KCNT1: variants seen among roughly 807,000 people sequenced by gnomAD.
KCNT1 encodes the protein potassium channel subfamily T member 1.
Under a neutral mutation model 147.8 loss-of-function variants are expected in KCNT1, and 78 were observed. That is an observed-to-expected ratio of 0.53 (90% CI 0.44 to 0.64). The LOEUF is 0.64. KCNT1 is among the 30% of genes least tolerant of loss of function. KCNT1 has a pLI of 0.00. For synonymous variants in KCNT1, 867 were observed against 748.8 expected (o/e 1.16, Z -2.58); for missense variants, 1,419 against 1,750.3 (o/e 0.81, Z 3.38).
In KCNT1 at chr9:135,777,506, A is replaced by G; in HGVS notation, c.2518A>G (p.Asn840Asp). The G allele has an allele frequency of 6.2e-7, 1 of 1,613,220 alleles. No homozygotes were observed. Among genetic ancestry groups the G allele is most frequent in the Non-Finnish European group, 8.5e-7 (1 of 1,179,778 alleles). The change falls in exon 21 of 31, where the codon AAC becomes GAC. Residue 840 changes from asparagine (N) to aspartate (D), a missense_variant. Transcript: ENST00000371757. ...ELNPIVLLLD[N>D]KPDHHFLEAI... is the part of the protein sequence containing the mutation. ...GAACCCCATCGTGCTGCTGCTGGACAACAAGTGAGGCTCCTGGGGCTCAGC... is the reference window on the plus strand; with the variant it reads ...GAACCCCATCGTGCTGCTGCTGGACGACAAGTGAGGCTCCTGGGGCTCAGC...
chr9:135,702,193 G>T lies in KCNT1; in HGVS notation c.-66G>T. On this transcript the variant is annotated 5_prime_UTR_variant, in exon 1 of 31. Coordinates refer to ENST00000371757, the MANE Select transcript of KCNT1 (RefSeq NM_020822.3). The stretch of plus-strand genomic sequence containing the variant: ...AAAAAAAAATGTTTTTCAGGGCAAC[G>T]CGAGGGAAGAAGGTGGCGGCTCCCA... 1 of 1,204,554 alleles carries T rather than the reference G, an allele frequency of 8.3e-7. No homozygotes were observed. Among genetic ancestry groups the T allele is most frequent in the Non-Finnish European group, 1.2e-6 (1 of 828,508 alleles). The allele number at this position is 1,204,554 out of a possible 1,614,324, so 74.6% of individuals were successfully genotyped here.
intron 2 of KCNT1, among the ~76,000 whole-genome samples, chr9:135,740,951 G>A (rs983620162): frequency 6.9e-6 from 1 of 145,952 alleles, no homozygotes. Context: ...CAGGGTTTGT[G>A]CAGCCGACAG....
intron 2 of KCNT1, among the ~76,000 whole-genome samples, chr9:135,726,183 G>T (rs954259072): frequency 2.2e-4 from 34 of 152,132 alleles, no homozygotes; most frequent in Non-Finnish European, 3.8e-4. Flanking sequence ...TGTCTGGGCT[G>T]GGGGCTGGGC....
intron 4 of KCNT1, among the ~76,000 whole-genome samples, chr9:135,753,050 A>G (rs1211064772): frequency 6.7e-6 from 1 of 148,524 alleles, no homozygotes; most frequent in East Asian, 2.1e-4. Context: ...AGATAGATGG[A>G]TGAGTGGATG....
intron 7 of KCNT1, 67 bp from the exon 8 acceptor site, chr9:135,757,088 GC>G: frequency 1.4e-6 from 1 of 695,736 alleles, no homozygotes; most frequent in Non-Finnish European, 2.3e-6. Flanking sequence ...TCCCCACCCT[GC>G]CCCTCCCCTG....
chr9:135,768,252 G>T lies in KCNT1; in HGVS notation c.1338-358G>T, dbSNP rs1200703799. Among the ~76,000 whole-genome samples the T allele has an allele frequency of 9.1e-4, 35 of 38,412 alleles. 10 individuals are homozygous for T. Among genetic ancestry groups the T allele is most frequent in the African/African-American group, 2.1e-3 (31 of 14,808 alleles). The allele number at this position is 38,412 out of a possible 152,430, so 25.2% of individuals were successfully genotyped here. On this transcript the variant is annotated intron_variant, in intron 13 of 30. Transcript: ENST00000371757. ...CCCAGGATGCCTGCGGGGGGGGGGG[G>T]GGGGGCACTGGGATACCGGTGGGGG... is the stretch of plus-strand genomic sequence containing the variant.
At chr9:135,719,822 G>A (rs1035069895) in intron 2 of KCNT1, among the ~76,000 whole-genome samples, 15 of 152,188 alleles carry the variant, frequency 9.9e-5, no homozygotes, top group Non-Finnish European at 1.6e-4. Flanking sequence ...TGGGAAGGGA[G>A]TGGCCGCCTT....
chr9:135,784,090 T>C lies in KCNT1; in HGVS notation c.2908T>C (p.Phe970Leu), dbSNP rs1224877837. Residue 970 changes from phenylalanine (F) to leucine (L), a missense_variant, in exon 25 of 31, where the codon TTC becomes CTC. Around this residue, in one of 5 missense-constraint regions of KCNT1, gnomAD observed 247 missense variants for 397.1 expected, o/e 0.62. Transcript: ENST00000371757. ...FRLPFAAGRV[F>L]SISMLDTLLY... ...CCTGCCGTTCGCCGCCGGCCGCGTC[T>C]TCAGCATCAGCATGTTGGACACACT... The C allele has an allele frequency of 6.2e-7, 1 of 1,605,518 alleles. No individual in the cohort carries two copies. The highest frequency in any genetic ancestry group is 8.5e-7 in the Non-Finnish European group (1 of 1,179,960).
chr9:135,764,622 C>T (rs951827853), intron 11 of KCNT1, among the ~76,000 whole-genome samples: 3 of 152,216 alleles, frequency 2.0e-5, no homozygotes, highest in Non-Finnish European at 4.4e-5. Flanking sequence ...GACCAGCAGC[C>T]TCAAACCACC....
chr9:135,759,991 G>T, intron 11 of KCNT1, 132 bp downstream of exon 11: 1 of 826,952 alleles, frequency 1.2e-6, no homozygotes, highest in Non-Finnish European at 1.8e-6. Flanking sequence ...AGGCCAGGCG[G>T]GTGGTGCCTG....
At chr9:135,776,405 G>A (rs574613500) in intron 20 of KCNT1, among the ~76,000 whole-genome samples, 23 of 152,084 alleles carry the variant, frequency 1.5e-4, no homozygotes, top group East Asian at 3.9e-4. Flanking sequence ...ACACAGGCAC[G>A]CACCACCACA....
At chr9:135,720,715 GC>G (rs1178394313) in intron 2 of KCNT1, among the ~76,000 whole-genome samples, 2 of 152,222 alleles carry the variant, frequency 1.3e-5, no homozygotes. Flanking sequence ...AGCTGAGAAG[GC>G]CCGGGAGCCA....
rs1831337399 is a variant in KCNT1 at position 135,753,955 on chromosome 9, G to A, written c.453G>A (p.Gln151=). 3 of 1,614,128 alleles carry A rather than the reference G, an allele frequency of 1.9e-6. No homozygotes were observed. Among genetic ancestry groups the A allele is most frequent in the Non-Finnish European group, 2.5e-6 (3 of 1,179,988 alleles). The change falls in exon 5 of 31, where the codon CAG becomes CAA. Residue 151 remains glutamine, a synonymous_variant. Transcript: ENST00000371757. ...TCCACAGCTGGGGCTGCCCAAAGCA[G>A]AACTACTCCTTCAATGACTCGTCCT... ...LGIGCWGCPK[Q]NYSFNDSSSE...
At chr9:135,762,654 G>A (rs1371227343) in intron 11 of KCNT1, among the ~76,000 whole-genome samples, 1 of 152,140 alleles carries the variant, frequency 6.6e-6, no homozygotes, top group East Asian at 1.9e-4. Flanking sequence ...GGAGGCTGAG[G>A]TGGGAGGATC....
intron 9 of KCNT1, 125 bp downstream of exon 9, chr9:135,757,506 G>A (rs1564352677): frequency 1.2e-6 from 1 of 812,390 alleles, no homozygotes; most frequent in Non-Finnish European, 2.0e-6. Flanking sequence ...AGAGGACCGG[G>A]AAGCCAGGGC....
At chr9:135,768,428 CT>C in intron 13 of KCNT1, 181 bp from the exon 14 acceptor site, 1 of 573,828 alleles carries the variant, frequency 1.7e-6, no homozygotes. Flanking sequence ...CTCCTCCCGC[CT>C]TCCATCCTCC....
intron 12 of KCNT1, 141 bp from the exon 13 acceptor site, chr9:135,765,473 CGGGGGCCCCT>C: frequency 1.1e-6 from 1 of 908,690 alleles, no homozygotes; most frequent in Non-Finnish European, 1.6e-6. Flanking sequence ...AGGGGCCCTG[CGGGGGCCCCT>C]CTTTTCCCTC....
chr9:135,788,185 C>T (rs776503672), intron 29 of KCNT1: 11 of 1,603,216 alleles, frequency 6.9e-6, no homozygotes, highest in East Asian at 6.7e-5. Flanking sequence ...TGGCGGGTGC[C>T]GACCACCGCA....
rs1185511427 is a variant in KCNT1, at chr9:135,767,317, G to T, written c.1338-1293G>T. Among the ~76,000 whole-genome samples, 3 of 152,218 alleles carry T rather than the reference G, an allele frequency of 2.0e-5. No homozygotes were observed. In the East Asian group the frequency reaches 5.8e-4, roughly 29 times the overall value. On this transcript the variant is annotated intron_variant, in intron 13 of 30. Transcript: ENST00000371757. ...GCCATTCCCAGCCAGGCAGGGATGA[G>T]CCCAGGGCTGTGGGTACAGGGCCTG...
Sources: gnomAD v4.1 joint callset for allele counts (sites outside exome capture counted in the v4.1 genomes callset) on GRCh38, gnomAD v4.1.1 for gene constraint, gnomAD v4.1.1 regional missense constraint, MANE v1.5 for transcripts, NCBI Gene and HGNC (gene_info 2026-07-23, HGNC 2026-07-21) for gene names.